ALPK1: variants seen among roughly 807,000 people sequenced by gnomAD.
The protein encoded by ALPK1 is alpha-protein kinase 1.
ALPK1 carries 110 observed loss-of-function variants against 120.6 expected under a neutral mutation model. The ratio of observed to expected loss-of-function variants is 0.91; its 90% CI spans 0.78 to 1.07. ALPK1 has a LOEUF of 1.07. Ranked by LOEUF, ALPK1 falls within the 50% of genes least tolerant of loss-of-function variation. The probability of loss-of-function intolerance (pLI) is 0.00; values close to 1 mark genes in which losing one functional copy is unlikely to be tolerated. For missense variants in ALPK1, 1,498 were observed against 1,483.9 expected (o/e 1.01, Z -0.16); for synonymous variants, 582 against 560.3 (o/e 1.04, Z -0.55).
chr4:112,425,495 C>A, intron 6 of ALPK1, 170 bp from the exon 7 acceptor site: 1 of 513,328 alleles, frequency 1.9e-6, no homozygotes, highest in Non-Finnish European at 3.6e-6. Context: ...GAGTCAGTTC[C>A]TGCAGAGCCT....
intron 2 of ALPK1, among the ~76,000 whole-genome samples, chr4:112,334,212 C>T (rs1373418631): frequency 6.6e-6 from 1 of 152,022 alleles, no homozygotes; most frequent in African/African-American, 2.4e-5. Flanking sequence ...GCAGGCAGAT[C>T]ACTTGAGGTC....
intron 2 of ALPK1, among the ~76,000 whole-genome samples, chr4:112,347,603 T>G (rs1730154392): frequency 6.6e-6 from 1 of 152,244 alleles, no homozygotes; most frequent in Admixed American, 6.5e-5. Context: ...TATATAATTA[T>G]GTTTACTTCT....
intron 5 of ALPK1, 48 bp from the exon 6 acceptor site, chr4:112,423,896 A>G (rs759453594): frequency 1.3e-6 from 2 of 1,583,378 alleles, no homozygotes; most frequent in Admixed American, 1.7e-5. Flanking sequence ...GTAATTGTTA[A>G]GTGCATGTTC....
At chr4:112,429,309 C>T in intron 10 of ALPK1, 56 bp downstream of exon 10, 1 of 1,347,094 alleles carries the variant, frequency 7.4e-7, no homozygotes, top group Non-Finnish European at 1.0e-6. Flanking sequence ...AGGGTGCTTT[C>T]TGATGTAACC....
In ALPK1 at chr4:112,442,114, A is replaced by C. The variant is rs190265247; in HGVS notation, c.*904A>C. ...AGCAGGGGAAATGCCAGATGCTTATAAAGCCATCAGATCTTGTGAGAATTC... is the reference window on the plus strand; with the variant it reads ...AGCAGGGGAAATGCCAGATGCTTATCAAGCCATCAGATCTTGTGAGAATTC... On this transcript the variant is annotated 3_prime_UTR_variant, in exon 16 of 16. Transcript: ENST00000650871. 1 of 152,516 alleles carries C rather than the reference A, an allele frequency of 6.6e-6. No individual in the cohort carries two copies. The highest frequency in any genetic ancestry group is 1.5e-5 in the Non-Finnish European group (1 of 68,274). The allele number at this position is 152,516 out of a possible 1,614,324, so 9.4% of individuals were successfully genotyped here.
intron 2 of ALPK1, among the ~76,000 whole-genome samples, chr4:112,352,217 T>C (rs1023166363): frequency 6.6e-6 from 1 of 152,234 alleles, no homozygotes; most frequent in South Asian, 2.1e-4. Flanking sequence ...ATAAAATAGA[T>C]GTGATATACA....
At chr4:112,415,711 A>G (rs1733718275) in intron 5 of ALPK1, among the ~76,000 whole-genome samples, 1 of 152,180 alleles carries the variant, frequency 6.6e-6, no homozygotes, top group African/African-American at 2.4e-5. Context: ...AATTCCCCAC[A>G]GAACAGGCAG....
At chr4:112,370,888 G>T (rs1010670187) in intron 2 of ALPK1, among the ~76,000 whole-genome samples, 1 of 152,102 alleles carries the variant, frequency 6.6e-6, no homozygotes, top group Non-Finnish European at 1.5e-5. Flanking sequence ...GCTAAAATAT[G>T]GTTTCTTATT....
chr4:112,311,025 A>C (rs1423272458), intron 1 of ALPK1, among the ~76,000 whole-genome samples: 1 of 152,202 alleles, frequency 6.6e-6, no homozygotes, highest in Non-Finnish European at 1.5e-5. Context: ...GGTGACTTGC[A>C]CAAGTTCACA....
intron 2 of ALPK1, chr4:112,357,273 T>C (rs1578495570): frequency 1.6e-6 from 2 of 1,255,380 alleles, no homozygotes; most frequent in Admixed American, 3.8e-5. Context: ...CGTGCTGGGG[T>C]GTTCGCCAAC....
At chr4:112,322,573 A>G (rs1728909612) in intron 2 of ALPK1, among the ~76,000 whole-genome samples, 1 of 152,236 alleles carries the variant, frequency 6.6e-6, no homozygotes, top group Non-Finnish European at 1.5e-5. Context: ...ATAGAAGGGA[A>G]CAAAACAAAC....
intron 2 of ALPK1, among the ~76,000 whole-genome samples, chr4:112,376,513 C>T (rs961242004): frequency 2.0e-5 from 3 of 152,158 alleles, no homozygotes; most frequent in Non-Finnish European, 4.4e-5. Context: ...TCATTTTCTG[C>T]TCCTGCTAAG....
chr4:112,429,489 A>G (rs1182750116), intron 10 of ALPK1, among the ~76,000 whole-genome samples: 1 of 152,154 alleles, frequency 6.6e-6, no homozygotes, highest in East Asian at 1.9e-4. Flanking sequence ...TTGTGAAGCA[A>G]TGGTTCCCAA....
chr4:112,326,255 A>G (rs867084002), intron 2 of ALPK1, among the ~76,000 whole-genome samples: 3 of 152,164 alleles, frequency 2.0e-5, no homozygotes, highest in Admixed American at 1.3e-4. Context: ...CACCTGATTA[A>G]ATGCTGGAAG....
Position 112,431,446 on chromosome 4 carries a change from G to A in ALPK1, c.1899G>A (p.Arg633=), listed in dbSNP as rs1734546228. 1 of 1,614,194 alleles carries A rather than the reference G, an allele frequency of 6.2e-7. No homozygotes were observed. Among genetic ancestry groups the A allele is most frequent in the Non-Finnish European group, 8.5e-7 (1 of 1,180,036 alleles). The change falls in exon 11 of 16, where the codon AGG becomes AGA. Residue 633 remains arginine, a synonymous_variant. Transcript: ENST00000650871. ...TALSEELEND[R]EGRAMHSLHS... is the part of the protein sequence containing the mutation. ...TGTCTGAGGAGCTAGAGAATGACAG[G>A]GAAGGCAGAGCTATGCATTCATTGC...
chr4:112,420,439 G>C (rs1733938478), intron 5 of ALPK1, among the ~76,000 whole-genome samples: 1 of 152,170 alleles, frequency 6.6e-6, no homozygotes, highest in Non-Finnish European at 1.5e-5. Flanking sequence ...AAGGGTTCAG[G>C]TTCAAAGCTT....
intron 2 of ALPK1, among the ~76,000 whole-genome samples, chr4:112,370,146 G>A (rs781063298): frequency 6.6e-6 from 1 of 152,146 alleles, no homozygotes; most frequent in Non-Finnish European, 1.5e-5. Flanking sequence ...TAATCCACTG[G>A]TTTGGTTACT....
intron 4 of ALPK1, among the ~76,000 whole-genome samples, chr4:112,403,994 A>C (rs1250547010): frequency 6.6e-6 from 1 of 152,252 alleles, no homozygotes; most frequent in Non-Finnish European, 1.5e-5. Flanking sequence ...CGACAGCCAA[A>C]AGCAATTCGC....
At chr4:112,422,411 G>T (rs942639786) in intron 5 of ALPK1, among the ~76,000 whole-genome samples, 1 of 152,068 alleles carries the variant, frequency 6.6e-6, no homozygotes, top group Non-Finnish European at 1.5e-5. Flanking sequence ...GCTAGACACC[G>T]AGTCCACTGG....
Sources: allele counts gnomAD v4.1 joint callset (sites outside exome capture counted in the v4.1 genomes callset), GRCh38; gene constraint gnomAD v4.1.1; transcripts MANE v1.5; gene names NCBI Gene and HGNC (gene_info 2026-07-23, HGNC 2026-07-21).